UTP20: variants seen among roughly 807,000 people sequenced by gnomAD.
The protein encoded by UTP20 is small subunit processome component 20 homolog.
A neutral mutation model predicts 329.5 loss-of-function variants in UTP20; 164 were observed. The observed-to-expected ratio is 0.50, with a 90% CI of 0.44 to 0.57. The LOEUF (loss-of-function observed/expected upper bound fraction) is 0.57, where lower values mean the gene tolerates loss of function less well. Ranked by LOEUF, UTP20 falls within the 20% of genes least tolerant of loss-of-function variation. UTP20 has a pLI of 0.00. For missense variants in UTP20, 3,055 were observed against 3,284.2 expected, an observed-to-expected ratio of 0.93 and a Z score of 1.71; for synonymous variants, 1,151 against 1,159.3, an observed-to-expected ratio of 0.99 and a Z score of 0.14.
chr12:101,349,960 G>T (rs1869461621), intron 38 of UTP20, among the ~76,000 whole-genome samples: 1 of 148,944 alleles, frequency 6.7e-6, no homozygotes, highest in African/African-American at 2.5e-5. Context: ...CTTTTCTTCT[G>T]CATTGTCTAA....
intron 41 of UTP20, among the ~76,000 whole-genome samples, chr12:101,355,895 G>A (rs990236397): frequency 6.6e-6 from 1 of 151,990 alleles, no homozygotes; most frequent in African/African-American, 2.4e-5. Flanking sequence ...ACAGTTGACA[G>A]TTCCCACCGA....
intron 43 of UTP20, among the ~76,000 whole-genome samples, chr12:101,359,230 A>AT (rs1233668776): frequency 2.6e-5 from 4 of 151,686 alleles, no homozygotes; most frequent in Non-Finnish European, 4.4e-5. Flanking sequence ...TGCCCAGCTA[A>AT]TTTTTTTGTA....
intron 47 of UTP20, among the ~76,000 whole-genome samples, chr12:101,367,508 C>T (rs1870135703): frequency 6.6e-6 from 1 of 152,036 alleles, no homozygotes; most frequent in Admixed American, 6.6e-5. Flanking sequence ...CTCAAAGCAC[C>T]CTACCTGTAC....
rs1031769402 is a variant in UTP20 at position 101,293,225 on chromosome 12, G to T, written c.1231G>T (p.Ala411Ser). The T allele has an allele frequency of 6.2e-7, 1 of 1,613,908 alleles. No individual in the cohort carries two copies. The highest frequency in any genetic ancestry group is 1.3e-5 in the African/African-American group (1 of 74,940). ...LIFSFSEVMF[A>S]MKQFEQLFLP... ...TTTCAGTTTTTCTGAAGTCATGTTT[G>T]CCATGAAGCAGTTTGAGCAGGTAAG... Residue 411 changes from alanine to serine, a missense_variant, in exon 11 of 62, where the codon GCC becomes TCC. Coordinates refer to ENST00000261637, the MANE Select transcript of UTP20 (RefSeq NM_014503.3).
chr12:101,365,397 T>C (rs946864303), intron 45 of UTP20, 62 bp from the exon 46 acceptor site: 1 of 1,293,036 alleles, frequency 7.7e-7, no homozygotes, highest in African/African-American at 1.5e-5. Flanking sequence ...AAAACTGCCA[T>C]TATGACAAAT....
At chr12:101,336,475 T>C (rs1405865500) in intron 29 of UTP20, among the ~76,000 whole-genome samples, 1 of 152,194 alleles carries the variant, frequency 6.6e-6, no homozygotes, top group Non-Finnish European at 1.5e-5. Context: ...ACATGTACTT[T>C]TTTGTCCAAA....
chr12:101,331,208 G>A (rs577297514), intron 27 of UTP20, among the ~76,000 whole-genome samples: 3 of 152,280 alleles, frequency 2.0e-5, no homozygotes, highest in East Asian at 3.9e-4. Context: ...AGTAAATTGG[G>A]CAGCTGGCAC....
chr12:101,366,796 A>G, intron 47 of UTP20, 97 bp downstream of exon 47: 1 of 1,427,216 alleles, frequency 7.0e-7, no homozygotes, highest in Non-Finnish European at 9.4e-7. Context: ...TCCATTGGAA[A>G]TGCCTTACTG....
chr12:101,304,694 G>C (rs1872608080), intron 15 of UTP20, among the ~76,000 whole-genome samples: 1 of 152,160 alleles, frequency 6.6e-6, no homozygotes, highest in Admixed American at 6.5e-5. Context: ...GGATGCTGCT[G>C]AGCCCCCTGC....
chr12:101,348,749 T>TTC, intron 38 of UTP20, among the ~76,000 whole-genome samples: 1 of 146,370 alleles, frequency 6.8e-6, no homozygotes, highest in African/African-American at 2.5e-5. Flanking sequence ...GTTTTTTTTT[T>TTC]TTTTTTTTTG....
intron 29 of UTP20, among the ~76,000 whole-genome samples, chr12:101,337,090 A>G (rs1046389032): frequency 1.3e-5 from 2 of 152,234 alleles, no homozygotes; most frequent in African/African-American, 4.8e-5. Flanking sequence ...CTTTTGGTCA[A>G]GTTTGCCTCT....
intron 12 of UTP20, among the ~76,000 whole-genome samples, chr12:101,297,240 A>T (rs1251574280): frequency 6.6e-6 from 1 of 152,048 alleles, no homozygotes; most frequent in Non-Finnish European, 1.5e-5. Flanking sequence ...TTTTAAGAGC[A>T]GGTCTTGCTC....
At position 101,338,123 on chromosome 12, in the gene UTP20, T is replaced by C. The variant is rs1238221458; in HGVS notation, c.3714T>C (p.Ile1238=). The C allele has an allele frequency of 6.2e-7, 1 of 1,614,044 alleles. No individual in the cohort carries two copies. Among genetic ancestry groups the C allele is most frequent in the Admixed American group, 1.7e-5 (1 of 60,002 alleles). The part of the protein sequence containing the change: ...ECDILTNVFA[I]LSAKNLSDAT... ...ATATCCTGACCAATGTTTTTGCAAT[T>C]CTCTCAGCGAAGAATCTTTCTGATG... is the stretch of plus-strand genomic sequence containing the variant. Residue 1238 remains isoleucine, a synonymous_variant, in exon 30 of 62, where the codon ATT becomes ATC. Coordinates refer to ENST00000261637, the MANE Select transcript of UTP20 (RefSeq NM_014503.3).
intron 25 of UTP20, among the ~76,000 whole-genome samples, chr12:101,322,528 T>C (rs1868398228): frequency 6.6e-6 from 1 of 152,204 alleles, no homozygotes; most frequent in African/African-American, 2.4e-5. Flanking sequence ...AGCTTAAATC[T>C]TTCATCTCAC....
intron 38 of UTP20, among the ~76,000 whole-genome samples, chr12:101,348,712 T>TTTTTG (rs1006586818): frequency 1.3e-5 from 2 of 150,516 alleles, no homozygotes; most frequent in Non-Finnish European, 3.0e-5. Context: ...TTGTTTCCTT[T>TTTTTG]TTTTGTGTGT....
At position 101,361,995 on chromosome 12, in the gene UTP20, CT is replaced by C; in HGVS notation, c.5726del (p.Leu1909ArgfsTer17). On this transcript the variant is annotated frameshift_variant, in exon 44 of 62. Coordinates refer to ENST00000261637, the MANE Select transcript of UTP20 (RefSeq NM_014503.3). LOFTEE classifies it high-confidence loss of function. ...HVLTFTVHMLLQGLTNKLQVG... is the reference protein window; with the variant it reads ...HVLTFTVHMLXQGLTNKLQVG... The stretch of plus-strand genomic sequence containing the variant: ...GCTGACTTTCACCGTTCACATGCTG[CT>C]GCAAGGCCTCACCAATAAGCTGCAG... The C allele has an allele frequency of 6.2e-7, 1 of 1,613,740 alleles. No homozygotes were observed. The highest frequency in any genetic ancestry group is 8.5e-7 in the Non-Finnish European group (1 of 1,179,778).
chr12:101,307,094 T>C (rs1340504492), intron 17 of UTP20, among the ~76,000 whole-genome samples: 1 of 149,486 alleles, frequency 6.7e-6, no homozygotes, highest in African/African-American at 2.5e-5. Flanking sequence ...AGGAGAATGG[T>C]GTGAACCCGG....
At chr12:101,323,918 C>T (rs923620474) in intron 25 of UTP20, among the ~76,000 whole-genome samples, 1 of 152,156 alleles carries the variant, frequency 6.6e-6, no homozygotes, top group African/African-American at 2.4e-5. Flanking sequence ...GTGGATGGAT[C>T]CCGAGGTCAG....
At chr12:101,366,499 C>T in intron 46 of UTP20, 59 bp from the exon 47 acceptor site, 1 of 1,554,396 alleles carries the variant, frequency 6.4e-7, no homozygotes, top group East Asian at 2.3e-5. Flanking sequence ...GCCACTCTAA[C>T]TTCTTGGAAT....
Sources: allele counts gnomAD v4.1 joint callset (sites outside exome capture counted in the v4.1 genomes callset), GRCh38; gene constraint gnomAD v4.1.1; transcripts MANE v1.5; gene names NCBI Gene and HGNC (gene_info 2026-07-23, HGNC 2026-07-21).